The following GRID2 variants were observed in gnomAD, a reference collection of about 807,000 sequenced individuals.
The protein encoded by GRID2 is glutamate ionotropic receptor delta type subunit 2, also known as glutamate receptor ionotropic, delta-2.
Under a neutral mutation model 114.8 loss-of-function variants are expected in GRID2, and 33 were observed. The observed-to-expected ratio is 0.29, with a 90% CI of 0.22 to 0.38. The LOEUF is 0.38. Among genes scored for constraint, GRID2 ranks in the 10% least tolerant of loss-of-function variants. The probability of loss-of-function intolerance (pLI) is 1.00; values close to 1 mark genes in which losing one functional copy is unlikely to be tolerated. For synonymous variants in GRID2, 505 were observed against 449.9 expected, an observed-to-expected ratio of 1.12 and a Z score of -1.55; for missense variants, 1,184 against 1,257.7, an observed-to-expected ratio of 0.94 and a Z score of 0.89.
chr4:93,092,557 T>C (rs1730877634), intron 3 of GRID2, among the ~76,000 whole-genome samples: 1 of 152,036 alleles, frequency 6.6e-6, no homozygotes, highest in Non-Finnish European at 1.5e-5. Flanking sequence ...CATCTGTGAA[T>C]GGTAGACACG....
chr4:92,818,226 A>G (rs2149384708), intron 2 of GRID2, among the ~76,000 whole-genome samples: 1 of 152,288 alleles, frequency 6.6e-6, no homozygotes. Context: ...GTATTTTAAA[A>G]ATCATAACCT....
chr4:93,357,276 C>T (rs896126553), intron 8 of GRID2, among the ~76,000 whole-genome samples: 8 of 151,504 alleles, frequency 5.3e-5, no homozygotes, highest in African/African-American at 1.9e-4. Context: ...ACTAATGCCA[C>T]TGATTATTTT....
chr4:93,386,198 T>G (rs1220072657), intron 8 of GRID2, among the ~76,000 whole-genome samples: 1 of 152,156 alleles, frequency 6.6e-6, no homozygotes, highest in Non-Finnish European at 1.5e-5. Context: ...TGACAGCAGT[T>G]TCTAGAGCTA....
At chr4:92,728,460 C>T (rs1413601552) in intron 2 of GRID2, among the ~76,000 whole-genome samples, 2 of 152,010 alleles carry the variant, frequency 1.3e-5, no homozygotes, top group African/African-American at 4.8e-5. Flanking sequence ...TGATTGTTGA[C>T]AATCCTCAGT....
intron 13 of GRID2, among the ~76,000 whole-genome samples, chr4:93,590,826 G>A (rs1272613131): frequency 5.5e-4 from 82 of 149,832 alleles, no homozygotes; most frequent in Non-Finnish European, 9.5e-4. Context: ...AATTGTGAAT[G>A]GGAGTTCACT....
chr4:93,318,014 TATATATA>T (rs1756855703), intron 8 of GRID2, among the ~76,000 whole-genome samples: 1 of 132,214 alleles, frequency 7.6e-6, no homozygotes, highest in African/African-American at 2.7e-5. Context: ...TATATATATA[TATATATA>T]TTACTACTTT....
chr4:92,711,964 CTTTA>C (rs1210319886), intron 2 of GRID2, among the ~76,000 whole-genome samples: 1 of 152,122 alleles, frequency 6.6e-6, no homozygotes, highest in Non-Finnish European at 1.5e-5. Context: ...CAGATGATGT[CTTTA>C]TCTTAAGTTC....
chr4:93,191,828 C>G (rs1741008826), intron 4 of GRID2, among the ~76,000 whole-genome samples: 1 of 152,098 alleles, frequency 6.6e-6, no homozygotes, highest in South Asian at 2.1e-4. Flanking sequence ...AAATTCATTT[C>G]AAGCATATTT....
intron 2 of GRID2, among the ~76,000 whole-genome samples, chr4:92,818,289 A>C (rs1741037622): frequency 1.3e-5 from 2 of 152,206 alleles, no homozygotes; most frequent in African/African-American, 4.8e-5. Flanking sequence ...TGAATGAATA[A>C]TACAGATTCC....
intron 1 of GRID2, among the ~76,000 whole-genome samples, chr4:92,543,034 C>G (rs1305148235): frequency 6.6e-6 from 1 of 151,932 alleles, no homozygotes; most frequent in African/African-American, 2.4e-5. Flanking sequence ...TTTTGGAACT[C>G]ATGTATTCTA....
intron 2 of GRID2, among the ~76,000 whole-genome samples, chr4:92,920,533 G>A (rs1749229250): frequency 6.6e-6 from 1 of 152,098 alleles, no homozygotes; most frequent in Non-Finnish European, 1.5e-5. Context: ...GCTCTTTTAG[G>A]GCAGGCCTGG....
At chr4:92,469,316 T>A (rs140833984) in intron 1 of GRID2, among the ~76,000 whole-genome samples, 1 of 152,102 alleles carries the variant, frequency 6.6e-6, no homozygotes, top group Admixed American at 6.6e-5. Context: ...GGTTAGAATA[T>A]AGTTGTCCCT....
chr4:92,623,969 T>C (rs564467296), intron 2 of GRID2, among the ~76,000 whole-genome samples: 1 of 151,926 alleles, frequency 6.6e-6, no homozygotes, highest in South Asian at 2.1e-4. Context: ...CCGGTAAAGC[T>C]ACTTCCTAGA....
At chr4:93,400,609 T>TTA (rs1227899106) in intron 9 of GRID2, among the ~76,000 whole-genome samples, 5 of 151,990 alleles carry the variant, frequency 3.3e-5, no homozygotes, top group African/African-American at 1.2e-4. Context: ...GATAATAAAA[T>TTA]GGAAAGGAAT....
chr4:92,848,367 C>T (rs530076194), intron 2 of GRID2, among the ~76,000 whole-genome samples: 5 of 151,978 alleles, frequency 3.3e-5, no homozygotes, highest in Admixed American at 2.0e-4. Context: ...TTCCTCTACA[C>T]ATCTCTTTCT....
At chr4:93,222,614 C>T (rs991237807) in intron 6 of GRID2, among the ~76,000 whole-genome samples, 1 of 151,868 alleles carries the variant, frequency 6.6e-6, no homozygotes, top group Non-Finnish European at 1.5e-5. Flanking sequence ...ATCCCTCACC[C>T]CTCCCCCAAC....
intron 14 of GRID2, among the ~76,000 whole-genome samples, chr4:93,726,317 G>A (rs1729884849): frequency 6.6e-6 from 1 of 152,098 alleles, no homozygotes; most frequent in Non-Finnish European, 1.5e-5. Context: ...TTATTTCTGA[G>A]GGCTCTGTTC....
intron 4 of GRID2, among the ~76,000 whole-genome samples, chr4:93,159,586 AAG>A (rs1232194545): frequency 6.6e-6 from 1 of 151,778 alleles, no homozygotes; most frequent in African/African-American, 2.4e-5. Context: ...ACTAATACAG[AAG>A]AGTCTTAGCT....
intron 1 of GRID2, among the ~76,000 whole-genome samples, chr4:93,794,524 C>T (rs939493733): frequency 2.6e-5 from 4 of 152,120 alleles, no homozygotes; most frequent in African/African-American, 9.7e-5. Context: ...TCCTTCATGG[C>T]CAATGAGTCT....
Sources: gnomAD v4.1 joint callset for allele counts (sites outside exome capture counted in the v4.1 genomes callset) on GRCh38, gnomAD v4.1.1 for gene constraint, MANE v1.5 for transcripts, NCBI Gene and HGNC (gene_info 2026-07-23, HGNC 2026-07-21) for gene names.